Variants in RERG observed in about 807,000 individuals in gnomAD.
The protein encoded by RERG is RAS like estrogen regulated growth inhibitor.
A neutral mutation model predicts 23.2 loss-of-function variants in RERG; 25 were observed. That is an observed-to-expected ratio of 1.08 (90% CI 0.79 to 1.50). The LOEUF is 1.50. Among genes scored for constraint, RERG ranks in the 40% most tolerant of loss-of-function variants. The pLI, the probability that RERG is intolerant of heterozygous loss-of-function variation, is 0.00. For synonymous variants in RERG, 81 were observed against 89.1 expected (o/e 0.91, Z 0.51); for missense variants, 253 against 250.1 (o/e 1.01, Z -0.08).
chr12:15,195,306 C>A (rs553625633), intron 2 of RERG, among the ~76,000 whole-genome samples: 2 of 152,178 alleles, frequency 1.3e-5, no homozygotes, highest in South Asian at 4.2e-4. Context: ...CCCTATAAGA[C>A]CATCCTGCCT....
intron 2 of RERG, among the ~76,000 whole-genome samples, chr12:15,127,952 A>G (rs1360576446): frequency 6.6e-6 from 1 of 152,240 alleles, no homozygotes; most frequent in Non-Finnish European, 1.5e-5. Context: ...AAAGCAGAAA[A>G]GTGAATAAAC....
chr12:15,194,668 C>T (rs1330184705), intron 2 of RERG, among the ~76,000 whole-genome samples: 4 of 152,034 alleles, frequency 2.6e-5, no homozygotes, highest in Non-Finnish European at 5.9e-5. Flanking sequence ...TGATGTTCAG[C>T]GTTCAGATGC....
chr12:15,121,955 C>T (rs1340373984), intron 2 of RERG, among the ~76,000 whole-genome samples: 1 of 151,870 alleles, frequency 6.6e-6, no homozygotes, highest in Non-Finnish European at 1.5e-5. Context: ...ACTCTATTGT[C>T]CTTATAAATT....
intron 2 of RERG, among the ~76,000 whole-genome samples, chr12:15,190,258 G>T (rs1366910054): frequency 6.6e-6 from 1 of 151,958 alleles, no homozygotes; most frequent in Non-Finnish European, 1.5e-5. Flanking sequence ...ATTGGAAGAA[G>T]AATTGTCTTG....
At chr12:15,130,090 T>C (rs930543452) in intron 2 of RERG, among the ~76,000 whole-genome samples, 2 of 152,318 alleles carry the variant, frequency 1.3e-5, no homozygotes, top group South Asian at 2.1e-4. Flanking sequence ...AGAATTGCCA[T>C]CCATCCATTC....
intron 2 of RERG, among the ~76,000 whole-genome samples, chr12:15,167,325 G>T (rs1452459892): frequency 6.6e-6 from 1 of 152,160 alleles, no homozygotes; most frequent in Non-Finnish European, 1.5e-5. Context: ...TTCTGCATCA[G>T]AAAGACTCCA....
intron 2 of RERG, among the ~76,000 whole-genome samples, chr12:15,210,545 T>G (rs978841510): frequency 6.6e-6 from 1 of 152,220 alleles, no homozygotes; most frequent in Non-Finnish European, 1.5e-5. Flanking sequence ...CTTAGCCACC[T>G]ACCAGTAACA....
intron 2 of RERG, among the ~76,000 whole-genome samples, chr12:15,125,858 C>G (rs1863927766): frequency 6.6e-6 from 1 of 151,672 alleles, no homozygotes; most frequent in African/African-American, 2.4e-5. Flanking sequence ...TAAATATTTA[C>G]ACATGTATCT....
intron 3 of RERG, among the ~76,000 whole-genome samples, chr12:15,113,581 G>C (rs1372828235): frequency 6.6e-6 from 1 of 151,788 alleles, no homozygotes; most frequent in Non-Finnish European, 1.5e-5. Flanking sequence ...ATGTAGGAAA[G>C]GTAAGAGAAA....
At chr12:15,219,881 C>G (rs1591675751) in intron 1 of RERG, among the ~76,000 whole-genome samples, 1 of 152,132 alleles carries the variant, frequency 6.6e-6, no homozygotes, top group Admixed American at 6.5e-5. Flanking sequence ...CCAAATGGCC[C>G]CAGAGGCATA....
intron 2 of RERG, among the ~76,000 whole-genome samples, chr12:15,178,655 C>T (rs1020928587): frequency 6.6e-6 from 1 of 152,108 alleles, no homozygotes; most frequent in Admixed American, 6.6e-5. Context: ...ATAATAAAAC[C>T]TGTTGGCAGG....
intron 2 of RERG, among the ~76,000 whole-genome samples, chr12:15,195,766 T>C (rs1413376250): frequency 6.6e-6 from 1 of 152,084 alleles, no homozygotes; most frequent in African/African-American, 2.4e-5. Flanking sequence ...TCACTAATAA[T>C]AATTACATTG....
chr12:15,140,405 A>G (rs573900146), intron 2 of RERG, among the ~76,000 whole-genome samples: 152 of 152,298 alleles, frequency 1.0e-3, no homozygotes, highest in African/African-American at 3.4e-3. Context: ...CCAATACATC[A>G]TTACTATTAT....
chr12:15,160,944 G>A (rs536187349), intron 2 of RERG, among the ~76,000 whole-genome samples: 18 of 151,894 alleles, frequency 1.2e-4, no homozygotes, highest in Admixed American at 2.6e-4. Context: ...AGATCTTCCT[G>A]GCCAACATGG....
chr12:15,183,243 A>G (rs1489432487), intron 2 of RERG, among the ~76,000 whole-genome samples: 1 of 152,166 alleles, frequency 6.6e-6, no homozygotes, highest in Non-Finnish European at 1.5e-5. Context: ...ATGGTTTAGA[A>G]TATATCTTCC....
chr12:15,122,029 T>TAAAA (rs3084667), intron 2 of RERG, among the ~76,000 whole-genome samples: 3 of 148,988 alleles, frequency 2.0e-5, no homozygotes, highest in Non-Finnish European at 4.5e-5. Flanking sequence ...GGTTTTAAAT[T>TAAAA]AAAAAAAAAA....
At chr12:15,198,799 C>T (rs557107801) in intron 2 of RERG, among the ~76,000 whole-genome samples, 1 of 152,118 alleles carries the variant, frequency 6.6e-6, no homozygotes, top group Non-Finnish European at 1.5e-5. Flanking sequence ...TATATTTCTG[C>T]GACCATTCTT....
chr12:15,191,824 G>A (rs1249350811), intron 2 of RERG, among the ~76,000 whole-genome samples: 1 of 151,982 alleles, frequency 6.6e-6, no homozygotes, highest in Non-Finnish European at 1.5e-5. Flanking sequence ...GCTTCTATAC[G>A]TTCTCATAGA....
intron 3 of RERG, among the ~76,000 whole-genome samples, chr12:15,116,183 T>C (rs895063994): frequency 2.0e-5 from 3 of 152,246 alleles, no homozygotes; most frequent in African/African-American, 7.2e-5. Flanking sequence ...TCTTCAGTGC[T>C]GCAGCGTGAG....
Sources: allele counts gnomAD v4.1 joint callset (sites outside exome capture counted in the v4.1 genomes callset), GRCh38; gene constraint gnomAD v4.1.1; transcripts MANE v1.5; gene names NCBI Gene and HGNC (gene_info 2026-07-23, HGNC 2026-07-21).